PDE11A: variants seen among roughly 807,000 people sequenced by gnomAD.
The protein encoded by PDE11A is dual 3',5'-cyclic-AMP and -GMP phosphodiesterase 11A.
Under a neutral mutation model 100.5 loss-of-function variants are expected in PDE11A, and 100 were observed. The observed-to-expected ratio is 1.00, with a 90% CI of 0.85 to 1.18. The LOEUF is 1.18. PDE11A is among the 50% of genes most tolerant of loss of function. The probability of loss-of-function intolerance (pLI) is 0.00; values close to 1 mark genes in which losing one functional copy is unlikely to be tolerated. For synonymous variants in PDE11A, 381 were observed against 420.8 expected, an observed-to-expected ratio of 0.91 and a Z score of 1.16; for missense variants, 1,141 against 1,152.6, an observed-to-expected ratio of 0.99 and a Z score of 0.15.
intron 2 of PDE11A, among the ~76,000 whole-genome samples, chr2:177,906,045 A>C (rs2084780516): frequency 6.6e-6 from 1 of 152,226 alleles, no homozygotes; most frequent in African/African-American, 2.4e-5. Context: ...AAACTGAAAG[A>C]ACTATTTCCC....
chr2:177,854,149 G>A (rs1173239998), intron 5 of PDE11A, among the ~76,000 whole-genome samples: 1 of 151,776 alleles, frequency 6.6e-6, no homozygotes, highest in Middle Eastern at 3.2e-3. Context: ...GACCTATATA[G>A]GCTACTTTAT....
At chr2:177,631,145 A>G (rs1051995174) in intron 19 of PDE11A, among the ~76,000 whole-genome samples, 9 of 151,854 alleles carry the variant, frequency 5.9e-5, no homozygotes, top group African/African-American at 2.2e-4. Context: ...TTATGTTTCT[A>G]ACTGGTGAAA....
intron 6 of PDE11A, among the ~76,000 whole-genome samples, chr2:177,834,581 G>A (rs1286236442): frequency 1.3e-5 from 2 of 152,146 alleles, no homozygotes; most frequent in African/African-American, 4.8e-5. Flanking sequence ...CTGGGCCTGG[G>A]GTGGCTAGCT....
intron 2 of PDE11A, among the ~76,000 whole-genome samples, chr2:177,934,210 G>A (rs1163573095): frequency 6.6e-6 from 1 of 151,974 alleles, no homozygotes; most frequent in Non-Finnish European, 1.5e-5. Context: ...CCTACACAAT[G>A]GAAAAAACAT....
chr2:177,949,078 T>C (rs1231393710), intron 2 of PDE11A, among the ~76,000 whole-genome samples: 1 of 152,162 alleles, frequency 6.6e-6, no homozygotes, highest in Non-Finnish European at 1.5e-5. Flanking sequence ...AATATTCTAG[T>C]GCTCATCCTA....
intron 3 of PDE11A, among the ~76,000 whole-genome samples, chr2:177,900,455 G>A (rs2084678693): frequency 6.6e-6 from 1 of 152,162 alleles, no homozygotes; most frequent in Non-Finnish European, 1.5e-5. Flanking sequence ...AATCTATTCA[G>A]GTAAAAAAGC....
chr2:177,998,134 A>C, intron 2 of PDE11A: 1 of 1,154,368 alleles, frequency 8.7e-7, no homozygotes, highest in Non-Finnish European at 1.3e-6. Flanking sequence ...CAACTTTACA[A>C]GTTGCTGTCT....
chr2:177,850,372 AC>A (rs377722417), intron 5 of PDE11A, among the ~76,000 whole-genome samples: 3,457 of 152,118 alleles, frequency 0.023, 62 homozygotes, highest in East Asian at 0.074. Context: ...TACACCTTAT[AC>A]AAAAATTAAT....
intron 3 of PDE11A, among the ~76,000 whole-genome samples, chr2:177,900,874 G>A (rs932088431): frequency 2.6e-5 from 4 of 152,194 alleles, no homozygotes; most frequent in Non-Finnish European, 5.9e-5. Context: ...TAGGGTTATT[G>A]AAACCACCAT....
At chr2:177,894,177 G>A (rs1172981912) in intron 4 of PDE11A, among the ~76,000 whole-genome samples, 3 of 152,240 alleles carry the variant, frequency 2.0e-5, no homozygotes, top group Admixed American at 2.0e-4. Flanking sequence ...GTGGTGCACA[G>A]AACTGTGACA....
At chr2:177,913,150 T>C (rs2084905994) in intron 2 of PDE11A, among the ~76,000 whole-genome samples, 1 of 152,236 alleles carries the variant, frequency 6.6e-6, no homozygotes, top group Non-Finnish European at 1.5e-5. Context: ...CCATAAATAC[T>C]CTGTTCATGG....
At chr2:177,817,814 G>C (rs768265019) in intron 8 of PDE11A, 44 bp downstream of exon 8, 2 of 837,358 alleles carry the variant, frequency 2.4e-6, no homozygotes. Context: ...TGCAACCAGG[G>C]GACTATTGAT....
chr2:178,104,816 TCTAAAAAG>T (rs2087599738), intron 1 of PDE11A, among the ~76,000 whole-genome samples: 1 of 152,224 alleles, frequency 6.6e-6, no homozygotes, highest in Non-Finnish European at 1.5e-5. Flanking sequence ...CCTTTTCATT[TCTAAAAAG>T]TGCATGTGCA....
rs116590619 is a variant in PDE11A, at chr2:177,951,549, G to A, written c.1072-46362C>T. Among the ~76,000 whole-genome samples the A allele has an allele frequency of 9.7e-3, 1,482 of 152,284 alleles. 21 individuals carry two copies. The highest frequency in any genetic ancestry group is 0.034 in the African/African-American group (1,411 of 41,546). On this transcript the variant is annotated intron_variant, in intron 2 of 19. Coordinates refer to ENST00000286063, the MANE Select transcript of PDE11A (RefSeq NM_016953.4). ...TTTTATGGATGGTGACAGAAGGCAT[G>A]AGATTCCTGGGTCAGAGACAAAGAA...
intron 2 of PDE11A, among the ~76,000 whole-genome samples, chr2:178,101,160 T>C (rs760869856): frequency 2.8e-4 from 42 of 152,162 alleles, no homozygotes; most frequent in Non-Finnish European, 7.4e-5. Flanking sequence ...TCCAACTAAC[T>C]GGCTACAAAT....
chr2:178,010,167 T>G (rs538720951), intron 2 of PDE11A, among the ~76,000 whole-genome samples: 1 of 152,246 alleles, frequency 6.6e-6, no homozygotes, highest in South Asian at 2.1e-4. Context: ...AGCCACTTGC[T>G]GAAGGTCACT....
chr2:177,883,038 G>A (rs544328962), intron 4 of PDE11A, among the ~76,000 whole-genome samples: 1 of 152,066 alleles, frequency 6.6e-6, no homozygotes. Flanking sequence ...GGGAAGTCAA[G>A]GTGGGTAGAT....
chr2:177,891,706 A>C (rs942140062), intron 4 of PDE11A, among the ~76,000 whole-genome samples: 10 of 152,240 alleles, frequency 6.6e-5, no homozygotes, highest in African/African-American at 1.7e-4. Context: ...CTGCTAGTCA[A>C]ATCTGATCTA....
At chr2:177,966,924 T>C (rs997130710) in intron 2 of PDE11A, among the ~76,000 whole-genome samples, 3 of 152,094 alleles carry the variant, frequency 2.0e-5, no homozygotes, top group African/African-American at 7.2e-5. Flanking sequence ...TTTCATAGAA[T>C]TGGTGACAGC....
Sources: gnomAD v4.1 joint callset for allele counts (sites outside exome capture counted in the v4.1 genomes callset) on GRCh38, gnomAD v4.1.1 for gene constraint, MANE v1.5 for transcripts, NCBI Gene and HGNC (gene_info 2026-07-23, HGNC 2026-07-21) for gene names.